IFI27L1: variants seen among roughly 807,000 people sequenced by gnomAD.
IFI27L1 encodes interferon alpha-inducible protein 27-like protein 1.
In IFI27L1, 3 loss-of-function variants were observed where a neutral mutation model predicts 9.2. The observed-to-expected ratio is 0.32, with a 90% CI of 0.15 to 0.84. The LOEUF (loss-of-function observed/expected upper bound fraction) is 0.84, where lower values mean the gene tolerates loss of function less well. Ranked by LOEUF, IFI27L1 falls within the 40% of genes least tolerant of loss-of-function variation. IFI27L1 has a pLI of 0.56. For missense variants in IFI27L1, 133 were observed against 134.2 expected, an observed-to-expected ratio of 0.99 and a Z score of 0.05; for synonymous variants, 53 against 50.0, an observed-to-expected ratio of 1.06 and a Z score of -0.26.
chr14:94,097,664 T>C, intron 2 of IFI27L1: 1 of 702,308 alleles, frequency 1.4e-6, no homozygotes, highest in East Asian at 2.7e-5. Flanking sequence ...ATGGTCAGAC[T>C]GGATATTTCT....
At chr14:94,084,921 C>T (rs1886230297) in intron 1 of IFI27L1, among the ~76,000 whole-genome samples, 1 of 152,138 alleles carries the variant, frequency 6.6e-6, no homozygotes, top group African/African-American at 2.4e-5. Context: ...TTTGCTTACA[C>T]AGTTTTTAAT....
rs192876831 is a variant in IFI27L1, at chr14:94,097,774, C to G, written c.28+809C>G. On this transcript the variant is annotated intron_variant, in intron 2 of 4. Transcript: ENST00000555523. ...CACTTACCCTGAGCTACTGAGAGAACGGGGCTGCCCTTTACAGAGGCTGGG... is the reference window on the plus strand; with the variant it reads ...CACTTACCCTGAGCTACTGAGAGAAGGGGGCTGCCCTTTACAGAGGCTGGG... The G allele has an allele frequency of 5.8e-6, 4 of 685,970 alleles. No individual in the cohort carries two copies. The East Asian group carries it at 1.1e-4, about 19-fold the overall frequency. 42.5% of individuals were successfully genotyped at this position (685,970 alleles called of 1,614,324 possible). A position where few individuals can be genotyped will look rare whatever the true frequency, so the allele number is the denominator to read the frequency against.
At chr14:94,101,741 C>T in intron 3 of IFI27L1, 73 bp from the exon 4 acceptor site, 4 of 1,503,662 alleles carry the variant, frequency 2.7e-6, no homozygotes, top group Non-Finnish European at 3.7e-6. Context: ...CTCCTCATCG[C>T]CCCAGGAGGA....
intron 1 of IFI27L1, among the ~76,000 whole-genome samples, chr14:94,096,229 T>A (rs1408656603): frequency 6.6e-6 from 1 of 152,170 alleles, no homozygotes; most frequent in African/African-American, 2.4e-5. Context: ...ACAAGGCTGT[T>A]GAGGGGTTTT....
chr14:94,092,316 A>C (rs1281139007), intron 1 of IFI27L1, among the ~76,000 whole-genome samples: 1 of 151,998 alleles, frequency 6.6e-6, no homozygotes, highest in Non-Finnish European at 1.5e-5. Flanking sequence ...GTTTGAGACC[A>C]GCCAGATCAA....
intron 1 of IFI27L1, among the ~76,000 whole-genome samples, chr14:94,096,384 G>A (rs1042878745): frequency 2.6e-4 from 39 of 152,176 alleles, no homozygotes; most frequent in African/African-American, 6.5e-4. Flanking sequence ...GAACATGGGT[G>A]TATAAATATC....
rs751627288 is a variant in IFI27L1, at chr14:94,102,519, T to G, written c.266T>G (p.Phe89Cys). ...LSVTSKVIGG[F>C]AGTALGAWLG... Reference sequence around the variant, plus strand: ...GTGACATCTAAAGTTATCGGGGGCTTTGCTGGGACAGCTCTTGGGGCCTGG... The same window carrying G: ...GTGACATCTAAAGTTATCGGGGGCTGTGCTGGGACAGCTCTTGGGGCCTGG... Residue 89 changes from phenylalanine to cysteine, a missense_variant, in exon 5 of 5, where the codon TTT becomes TGT. Phe to Cys is a radical substitution (Grantham distance 205, BLOSUM62 -2). Coordinates refer to ENST00000555523, the MANE Select transcript of IFI27L1 (RefSeq NM_206949.3). 2 of 1,593,930 alleles carry G rather than the reference T, an allele frequency of 1.3e-6. No individual in the cohort carries two copies. Among genetic ancestry groups the G allele is most frequent in the Admixed American group, 3.4e-5 (2 of 57,988 alleles).
At chr14:94,097,400 T>A (rs1024923662) in intron 2 of IFI27L1, 1 of 577,348 alleles carries the variant, frequency 1.7e-6, no homozygotes, top group African/African-American at 1.9e-5. Flanking sequence ...TTCATAGGCA[T>A]GTGTGCCTGA....
chr14:94,098,611 CCT>C lies in IFI27L1; in HGVS notation c.28+1647_28+1648del, dbSNP rs528543501. On this transcript the variant is annotated intron_variant, in intron 2 of 4. Transcript: ENST00000555523. ...TTTTGAGGAAGAGAGAGTAATCACCCCTGTCAAGACACTGCTGAGAGCTGGGA... is the reference window on the plus strand; with the variant it reads ...TTTTGAGGAAGAGAGAGTAATCACCCGTCAAGACACTGCTGAGAGCTGGGA... 4.8e-3 allele frequency among the ~76,000 whole-genome samples: 535 copies of C among 110,554 alleles called. 3 individuals are homozygous for C. The highest frequency in any genetic ancestry group is 7.0e-3 in the Non-Finnish European group (397 of 56,642). The allele number at this position is 110,554 out of a possible 152,430, so 72.5% of individuals were successfully genotyped here. A position where few individuals can be genotyped will look rare whatever the true frequency, so the allele number is the denominator to read the frequency against.
At chr14:94,082,458 ATG>A (rs1167048140) in intron 1 of IFI27L1, among the ~76,000 whole-genome samples, 1 of 152,254 alleles carries the variant, frequency 6.6e-6, no homozygotes, top group Admixed American at 6.5e-5. Flanking sequence ...CAAGTAGTCA[ATG>A]TAGACAAAAC....
chr14:94,100,713 G>A, intron 2 of IFI27L1, 26 bp from the exon 3 acceptor site: 3 of 1,611,026 alleles, frequency 1.9e-6, no homozygotes, highest in Non-Finnish European at 2.5e-6. Context: ...TTTGTTTGTT[G>A]TTGTTGTTGT....
intron 1 of IFI27L1, among the ~76,000 whole-genome samples, chr14:94,095,613 G>A (rs1296122268): frequency 6.6e-6 from 1 of 152,140 alleles, no homozygotes; most frequent in Non-Finnish European, 1.5e-5. Context: ...AGTTGAAGGG[G>A]GAGCAGGTGT....
At chr14:94,088,148 G>T in intron 1 of IFI27L1, 1 of 660,614 alleles carries the variant, frequency 1.5e-6, no homozygotes, top group South Asian at 1.7e-5. Context: ...GTGCCAAGCT[G>T]ACTCCCCTGT....
chr14:94,098,811 C>T (rs558837347), intron 2 of IFI27L1, among the ~76,000 whole-genome samples: 1 of 152,258 alleles, frequency 6.6e-6, no homozygotes, highest in South Asian at 2.1e-4. Flanking sequence ...TGATGATTCA[C>T]TCATGTTCTC....
chr14:94,088,287 T>C (rs1489829160), intron 1 of IFI27L1: 1 of 702,230 alleles, frequency 1.4e-6, no homozygotes, highest in African/African-American at 1.7e-5. Flanking sequence ...CTTACGTTAC[T>C]ATGCGAGATG....
chr14:94,102,129 AC>A, intron 4 of IFI27L1, 154 bp downstream of exon 4: 1 of 787,520 alleles, frequency 1.3e-6, no homozygotes, highest in Non-Finnish European at 2.1e-6. Flanking sequence ...TGGAGGTGGG[AC>A]CAGGGGTGCA....
intron 1 of IFI27L1, among the ~76,000 whole-genome samples, chr14:94,090,369 AG>A (rs1886431049): frequency 6.6e-6 from 1 of 152,246 alleles, no homozygotes. Context: ...TCCTCATTTT[AG>A]TATAAAACAA....
At chr14:94,082,040 TG>T (rs1886126073) in intron 1 of IFI27L1, among the ~76,000 whole-genome samples, 1 of 152,254 alleles carries the variant, frequency 6.6e-6, no homozygotes, top group African/African-American at 2.4e-5. Flanking sequence ...GCTGAAAGTT[TG>T]CACCAAAAAG....
chr14:94,084,446 G>A (rs994335529), intron 1 of IFI27L1, among the ~76,000 whole-genome samples: 3 of 152,336 alleles, frequency 2.0e-5, no homozygotes, highest in African/African-American at 7.2e-5. Flanking sequence ...AGGCTGCAGT[G>A]AGCCATGTTC....
Sources: allele counts gnomAD v4.1 joint callset (sites outside exome capture counted in the v4.1 genomes callset), GRCh38; gene constraint gnomAD v4.1.1; transcripts MANE v1.5; gene names NCBI Gene and HGNC (gene_info 2026-07-23, HGNC 2026-07-21).